STPG2: variants seen among roughly 807,000 people sequenced by gnomAD.
STPG2 encodes the protein sperm tail PG-rich repeat containing 2, also known as sperm-tail PG-rich repeat-containing protein 2.
A neutral mutation model predicts 54.2 loss-of-function variants in STPG2; 56 were observed. That is an observed-to-expected ratio of 1.03 (90% confidence interval 0.83 to 1.29). The LOEUF is 1.29. Among genes scored for constraint, STPG2 ranks in the 50% most tolerant of loss-of-function variants. STPG2 has a pLI of 0.00. For missense variants in STPG2, 596 were observed against 544.9 expected (o/e 1.09, Z -0.93); for synonymous variants, 200 against 181.8 (o/e 1.10, Z -0.81).
downstream of STPG2, among the ~76,000 whole-genome samples, chr4:97,557,710 A>G (rs1279039508): frequency 2.0e-5 from 3 of 152,202 alleles, no homozygotes; most frequent in Non-Finnish European, 4.4e-5. Context: ...CAAATAGACA[A>G]AAGTTATTCT....
chr4:98,022,711 C>T (rs1736262575), intron 5 of STPG2, among the ~76,000 whole-genome samples: 1 of 152,056 alleles, frequency 6.6e-6, no homozygotes, highest in South Asian at 2.1e-4. Context: ...GAGACTTTGT[C>T]CGTTTCTTTT....
intron 5 of STPG2, among the ~76,000 whole-genome samples, chr4:98,054,977 C>A (rs1357185549): frequency 6.6e-6 from 1 of 152,100 alleles, no homozygotes; most frequent in Non-Finnish European, 1.5e-5. Context: ...GCTGTTAGCC[C>A]TTCACTCTCC....
intron 5 of STPG2, among the ~76,000 whole-genome samples, chr4:97,984,842 C>A (rs1347090457): frequency 6.6e-6 from 1 of 151,878 alleles, no homozygotes; most frequent in Non-Finnish European, 1.5e-5. Context: ...AACATAATGT[C>A]AGCCAGCTTG....
chr4:97,531,452 C>A (rs551270588), intron 4 of STPG2, among the ~76,000 whole-genome samples: 2 of 152,168 alleles, frequency 1.3e-5, no homozygotes, highest in South Asian at 4.1e-4. Context: ...GATTTGGATG[C>A]AACCTAAGTG....
At chr4:97,862,760 T>G (rs375149011) in intron 8 of STPG2, among the ~76,000 whole-genome samples, 11 of 152,150 alleles carry the variant, frequency 7.2e-5, no homozygotes, top group African/African-American at 2.7e-4. Flanking sequence ...CCGACCACAG[T>G]GCAATCAAAT....
intron 7 of STPG2, among the ~76,000 whole-genome samples, chr4:97,960,150 C>CT (rs1733833039): frequency 1.3e-5 from 2 of 152,214 alleles, no homozygotes; most frequent in South Asian, 4.1e-4. Flanking sequence ...TCCAGCATCA[C>CT]TTTATGATTA....
chr4:97,883,280 C>T (rs774074234), intron 8 of STPG2, among the ~76,000 whole-genome samples: 3 of 151,230 alleles, frequency 2.0e-5, no homozygotes, highest in Admixed American at 6.6e-5. Context: ...CCCAGCTACT[C>T]GAGAAGCTGA....
At chr4:98,138,556 C>T (rs1410786564) in intron 1 of STPG2, among the ~76,000 whole-genome samples, 1 of 152,072 alleles carries the variant, frequency 6.6e-6, no homozygotes, top group Non-Finnish European at 1.5e-5. Flanking sequence ...AAGAAAACGG[C>T]ATTTTTCACA....
intron 4 of STPG2, among the ~76,000 whole-genome samples, chr4:97,471,458 C>T (rs748908663): frequency 1.1e-4 from 16 of 151,988 alleles, no homozygotes; most frequent in Admixed American, 2.0e-4. Flanking sequence ...GCTAATAATT[C>T]AATGTTTTGC....
intron 8 of STPG2, among the ~76,000 whole-genome samples, chr4:97,898,027 A>G (rs1369187541): frequency 1.3e-5 from 2 of 152,020 alleles, no homozygotes; most frequent in East Asian, 1.9e-4. Flanking sequence ...AAGGTTTTTT[A>G]TAGTCTTGGG....
At chr4:97,918,526 C>T (rs1253311511) in intron 8 of STPG2, among the ~76,000 whole-genome samples, 1 of 151,582 alleles carries the variant, frequency 6.6e-6, no homozygotes, top group Non-Finnish European at 1.5e-5. Flanking sequence ...TAATAAAAAA[C>T]TAGTTTTTTA....
At chr4:97,556,870 G>T (rs1330041413), downstream of STPG2, among the ~76,000 whole-genome samples, 1 of 152,082 alleles carries the variant, frequency 6.6e-6, no homozygotes, top group African/African-American at 2.4e-5. Flanking sequence ...TATACCAATA[G>T]AGTACATTAA....
intron 9 of STPG2, among the ~76,000 whole-genome samples, chr4:97,834,456 A>G (rs1305426451): frequency 1.3e-5 from 2 of 152,136 alleles, no homozygotes; most frequent in South Asian, 2.1e-4. Flanking sequence ...AAGTATACCT[A>G]TGTAACAAAC....
At chr4:97,706,906 CAG>C (rs752755263) in intron 10 of STPG2, among the ~76,000 whole-genome samples, 23 of 152,070 alleles carry the variant, frequency 1.5e-4, no homozygotes, top group South Asian at 4.2e-4. Flanking sequence ...AATATAGAAA[CAG>C]GGGTTTAATT....
intron 10 of STPG2, among the ~76,000 whole-genome samples, chr4:97,633,127 A>G (rs1266208975): frequency 6.6e-6 from 1 of 152,170 alleles, no homozygotes; most frequent in Admixed American, 6.5e-5. Flanking sequence ...CAGTTGTTTT[A>G]GTTTCTCTGC....
At chr4:97,473,349 T>G (rs999589235) in intron 4 of STPG2, among the ~76,000 whole-genome samples, 36 of 152,138 alleles carry the variant, frequency 2.4e-4, no homozygotes, top group Non-Finnish European at 7.4e-5. Flanking sequence ...AGAAAGAGAA[T>G]GCGCCCCTGA....
chr4:97,862,836 C>T (rs1729606826), intron 8 of STPG2, among the ~76,000 whole-genome samples: 1 of 152,202 alleles, frequency 6.6e-6, no homozygotes, highest in Non-Finnish European at 1.5e-5. Context: ...CAACCTGCTC[C>T]TGAATGACTA....
chr4:97,496,986 CTTTT>C (rs370800861), intron 4 of STPG2, among the ~76,000 whole-genome samples: 2 of 136,074 alleles, frequency 1.5e-5, no homozygotes, highest in South Asian at 4.6e-4. Flanking sequence ...CCATCTTTTC[CTTTT>C]TTTTTTTTTT....
intron 5 of STPG2, among the ~76,000 whole-genome samples, chr4:98,004,669 A>G (rs1305611451): frequency 6.6e-6 from 1 of 152,106 alleles, no homozygotes; most frequent in Non-Finnish European, 1.5e-5. Flanking sequence ...TGACTTTTTG[A>G]TAATAGCTTT....
Sources: gnomAD v4.1 joint callset for allele counts (sites outside exome capture counted in the v4.1 genomes callset) on GRCh38, gnomAD v4.1.1 for gene constraint, MANE v1.5 for transcripts, NCBI Gene and HGNC (gene_info 2026-07-23, HGNC 2026-07-21) for gene names.